ESR1: variants seen among roughly 807,000 people sequenced by gnomAD.
ESR1 encodes the protein estrogen receptor 1, also known as estrogen receptor.
In ESR1, 12 loss-of-function variants were observed where a neutral mutation model predicts 52.7. The observed-to-expected ratio is 0.23, with a 90% CI of 0.15 to 0.37. The LOEUF is 0.37. Ranked by LOEUF, ESR1 falls within the 10% of genes least tolerant of loss-of-function variation. ESR1 has a pLI of 1.00. For synonymous variants in ESR1, 305 were observed against 316.8 expected (o/e 0.96, Z 0.39); for missense variants, 584 against 779.7 (o/e 0.75, Z 2.99).
intron 4 of ESR1, among the ~76,000 whole-genome samples, chr6:151,949,678 C>G (rs1043421144): frequency 7.9e-5 from 12 of 152,200 alleles, no homozygotes; most frequent in African/African-American, 2.7e-4. Flanking sequence ...GCAAGTGTTC[C>G]ATGTCCAAGT....
At chr6:151,826,708 G>T (rs1583500895) in intron 1 of ESR1, among the ~76,000 whole-genome samples, 2 of 152,148 alleles carry the variant, frequency 1.3e-5, no homozygotes, top group Non-Finnish European at 2.9e-5. Flanking sequence ...CTAACTTCAT[G>T]GGGTGGCTGA....
intron 1 of ESR1, among the ~76,000 whole-genome samples, chr6:151,691,203 C>T (rs76695352): frequency 1.7e-3 from 260 of 152,274 alleles, no homozygotes; most frequent in African/African-American, 5.8e-3. Flanking sequence ...AGCAAAAGAA[C>T]GAGCCCCTCT....
At chr6:151,969,699 G>C (rs1194236612) in intron 4 of ESR1, among the ~76,000 whole-genome samples, 2 of 152,180 alleles carry the variant, frequency 1.3e-5, no homozygotes. Context: ...ACAGCAGTGC[G>C]GGCAGCTTCG....
intron 1 of ESR1, among the ~76,000 whole-genome samples, chr6:151,827,355 A>AG (rs2128206312): frequency 1.3e-5 from 2 of 151,306 alleles, no homozygotes; most frequent in African/African-American, 4.8e-5. Context: ...AAAAAAAAAA[A>AG]AAAAGAAAAA....
chr6:152,069,919 GC>G (rs2048243316), intron 6 of ESR1, among the ~76,000 whole-genome samples: 1 of 137,604 alleles, frequency 7.3e-6, no homozygotes, highest in South Asian at 2.3e-4. Context: ...CAAAGCTTAT[GC>G]TTTTGTTTAA....
chr6:151,975,313 A>G (rs1290220132), intron 4 of ESR1, among the ~76,000 whole-genome samples: 1 of 152,030 alleles, frequency 6.6e-6, no homozygotes, highest in Non-Finnish European at 1.5e-5. Flanking sequence ...CAATCCCTTT[A>G]CAATATTGTG....
intron 1 of ESR1, among the ~76,000 whole-genome samples, chr6:151,678,050 T>C (rs1219880030): frequency 2.0e-5 from 3 of 152,200 alleles, no homozygotes; most frequent in Non-Finnish European, 2.9e-5. Flanking sequence ...TTGGTTTGAT[T>C]ATAGGTGTGT....
chr6:151,663,972 C>T (rs1191556185), intron 1 of ESR1, among the ~76,000 whole-genome samples: 2 of 151,954 alleles, frequency 1.3e-5, no homozygotes, highest in Admixed American at 1.3e-4. Flanking sequence ...TTCCCTCTGC[C>T]CCGGACTCTG....
intron 2 of ESR1, among the ~76,000 whole-genome samples, chr6:151,776,101 G>C (rs1454554443): frequency 6.6e-6 from 1 of 152,184 alleles, no homozygotes; most frequent in Non-Finnish European, 1.5e-5. Flanking sequence ...TTGGAGGCAG[G>C]AAGAGCAGGT....
At chr6:151,710,269 CTT>C (rs1010200925) in intron 2 of ESR1, among the ~76,000 whole-genome samples, 1 of 142,456 alleles carries the variant, frequency 7.0e-6, no homozygotes, top group Non-Finnish European at 1.5e-5. Flanking sequence ...CCTGGTTTTC[CTT>C]TTTTTTTTTC....
Position 151,759,510 on chromosome 6 carries a change from T to TATA in ESR1, c.-70-48316_-70-48314dup, listed in dbSNP as rs530377619. Among the ~76,000 whole-genome samples the TATA allele has an allele frequency of 3.0e-4, 46 of 151,360 alleles. No individual in the cohort carries two copies. The South Asian group carries it at 6.5e-3, about 21-fold the overall frequency. On this transcript the variant is annotated intron_variant, in intron 2 of 2. Transcript: ENST00000404742. The stretch of plus-strand genomic sequence containing the variant: ...TGCACATGTACCCTAAAACTTAAAG[T>TATA]ATAATAATAATAATAATAAAAAAAG...
intron 6 of ESR1, among the ~76,000 whole-genome samples, chr6:152,115,362 A>C (rs941442563): frequency 6.6e-6 from 1 of 152,232 alleles, no homozygotes; most frequent in African/African-American, 2.4e-5. Context: ...TTATAACAAC[A>C]GGGGGCCTCT....
At chr6:151,781,225 T>C (rs894286199) in intron 2 of ESR1, among the ~76,000 whole-genome samples, 2 of 152,230 alleles carry the variant, frequency 1.3e-5, no homozygotes, top group Non-Finnish European at 2.9e-5. Flanking sequence ...GGGTAATTTA[T>C]ATTGAACAGA....
At chr6:152,095,045 A>C (rs9341050) in intron 7 of ESR1, among the ~76,000 whole-genome samples, 2 of 152,070 alleles carry the variant, frequency 1.3e-5, no homozygotes, top group African/African-American at 4.8e-5. Context: ...CCCCATTGCC[A>C]TTACCCTAGT....
At chr6:151,834,176 G>T (rs1782900576) in intron 1 of ESR1, among the ~76,000 whole-genome samples, 1 of 152,114 alleles carries the variant, frequency 6.6e-6, no homozygotes, top group African/African-American at 2.4e-5. Context: ...AATACCATTT[G>T]GCCCAGCAAT....
chr6:151,918,681 C>T (rs2030912347), intron 3 of ESR1, among the ~76,000 whole-genome samples: 3 of 152,166 alleles, frequency 2.0e-5, no homozygotes, highest in Non-Finnish European at 2.9e-5. Flanking sequence ...GAAAAGTTGG[C>T]AATTAATAAC....
chr6:152,027,180 G>A (rs1461085125), intron 5 of ESR1, among the ~76,000 whole-genome samples: 1 of 152,024 alleles, frequency 6.6e-6, no homozygotes, highest in Non-Finnish European at 1.5e-5. Flanking sequence ...TGGCCAGGCT[G>A]GTCACGAATT....
chr6:151,957,131 C>T (rs1032239164), intron 4 of ESR1, among the ~76,000 whole-genome samples: 2 of 151,920 alleles, frequency 1.3e-5, no homozygotes, highest in African/African-American at 2.4e-5. Context: ...CCCACCTCGG[C>T]CTCCCAAAGT....
At chr6:151,840,953 T>C (rs552714238) in intron 1 of ESR1, among the ~76,000 whole-genome samples, 279 of 152,310 alleles carry the variant, frequency 1.8e-3, no homozygotes, top group Middle Eastern at 3.4e-3. Context: ...TGCACATGCC[T>C]GCCAAGTCCT....
Sources: gnomAD v4.1 joint callset for allele counts (sites outside exome capture counted in the v4.1 genomes callset) on GRCh38, gnomAD v4.1.1 for gene constraint, MANE v1.5 for transcripts, NCBI Gene and HGNC (gene_info 2026-07-23, HGNC 2026-07-21) for gene names.